STAP1: variants seen among roughly 807,000 people sequenced by gnomAD.
STAP1 encodes signal-transducing adaptor protein 1.
A neutral mutation model predicts 37.8 loss-of-function variants in STAP1; 30 were observed. The ratio of observed to expected loss-of-function variants is 0.79; its 90% CI spans 0.59 to 1.08. The LOEUF (loss-of-function observed/expected upper bound fraction) is 1.08, where lower values mean the gene tolerates loss of function less well. STAP1 is among the 50% of genes least tolerant of loss of function. STAP1 has a pLI of 0.00. For synonymous variants in STAP1, 130 were observed against 116.0 expected, an observed-to-expected ratio of 1.12 and a Z score of -0.78; for missense variants, 357 against 349.4, an observed-to-expected ratio of 1.02 and a Z score of -0.17.
chr4:67,561,582 C>T (rs906058657), intron 1 of STAP1, among the ~76,000 whole-genome samples: 6 of 151,988 alleles, frequency 3.9e-5, no homozygotes, highest in Non-Finnish European at 4.4e-5. Flanking sequence ...GGTCAAGAAC[C>T]CATGAAAAAC....
chr4:67,584,116 A>AAAG (rs1553901804), intron 6 of STAP1, among the ~76,000 whole-genome samples: 5 of 134,096 alleles, frequency 3.7e-5, no homozygotes, highest in South Asian at 2.3e-4. Flanking sequence ...AAAAAAAAAA[A>AAAG]GAACACAAGA....
At chr4:67,568,195 G>T (rs974703134) in intron 1 of STAP1, among the ~76,000 whole-genome samples, 1 of 152,074 alleles carries the variant, frequency 6.6e-6, no homozygotes, top group African/African-American at 2.4e-5. Flanking sequence ...CATTTTACTG[G>T]TTAAAAAACA....
chr4:67,570,820 C>G (rs1176729109), intron 1 of STAP1, among the ~76,000 whole-genome samples: 1 of 151,692 alleles, frequency 6.6e-6, no homozygotes, highest in Non-Finnish European at 1.5e-5. Context: ...GTCCCAGCTA[C>G]TTGGAGGGGA....
At position 67,606,412 on chromosome 4, in the gene STAP1, A is replaced by C; in HGVS notation, c.*55A>C. Reference sequence around the variant, plus strand: ...TTGGTAATTTATATTTTCAAAACGAAGTTCTTACTTTTAAAGAGAATTACC... The same window carrying C: ...TTGGTAATTTATATTTTCAAAACGACGTTCTTACTTTTAAAGAGAATTACC... On this transcript the variant is annotated 3_prime_UTR_variant, in exon 9 of 9. Coordinates refer to ENST00000265404, the MANE Select transcript of STAP1 (RefSeq NM_012108.4). The C allele has an allele frequency of 6.7e-7, 1 of 1,499,262 alleles. No homozygotes were observed. The highest frequency in any genetic ancestry group is 9.1e-7 in the Non-Finnish European group (1 of 1,100,368). The allele number at this position is 1,499,262 out of a possible 1,614,324, so 92.9% of individuals were successfully genotyped here. A position where few individuals can be genotyped will look rare whatever the true frequency, so the allele number is the denominator to read the frequency against.
At chr4:67,598,723 T>C (rs1728275844) in intron 8 of STAP1, among the ~76,000 whole-genome samples, 1 of 152,236 alleles carries the variant, frequency 6.6e-6, no homozygotes, top group South Asian at 2.1e-4. Flanking sequence ...TCCCATTCTG[T>C]GGGTTGTCTC....
At chr4:67,604,024 A>T (rs1577773767) in intron 8 of STAP1, among the ~76,000 whole-genome samples, 1 of 152,132 alleles carries the variant, frequency 6.6e-6, no homozygotes, top group South Asian at 2.1e-4. Flanking sequence ...TGGTGTTGAG[A>T]CTAGTCAGAG....
intron 8 of STAP1, among the ~76,000 whole-genome samples, chr4:67,600,196 G>T (rs183952888): frequency 1.1e-4 from 17 of 152,040 alleles, no homozygotes; most frequent in Non-Finnish European, 2.4e-4. Context: ...TTGGTCTCTT[G>T]AATTGCCATT....
At chr4:67,579,002 T>A (rs1006487892) in intron 4 of STAP1, among the ~76,000 whole-genome samples, 53 of 151,986 alleles carry the variant, frequency 3.5e-4, no homozygotes, top group Non-Finnish European at 4.4e-4. Flanking sequence ...CTAAGTTTTT[T>A]AAAAAATATT....
chr4:67,602,212 T>C (rs1168944613), intron 8 of STAP1, among the ~76,000 whole-genome samples: 1 of 152,032 alleles, frequency 6.6e-6, no homozygotes, highest in African/African-American at 2.4e-5. Context: ...TTCAATCTCT[T>C]TGTTAAATTA....
At chr4:67,593,778 T>G (rs1264486834) in intron 8 of STAP1, among the ~76,000 whole-genome samples, 1 of 152,226 alleles carries the variant, frequency 6.6e-6, no homozygotes, top group East Asian at 1.9e-4. Flanking sequence ...TGAAAACTGG[T>G]GATTAGCCAA....
intron 1 of STAP1, among the ~76,000 whole-genome samples, chr4:67,570,364 T>C (rs1296701992): frequency 3.3e-5 from 5 of 152,190 alleles, no homozygotes; most frequent in Non-Finnish European, 7.3e-5. Flanking sequence ...GCTACAACAT[T>C]ATTGACAGTT....
chr4:67,569,383 A>G (rs1578022648), intron 1 of STAP1, among the ~76,000 whole-genome samples: 1 of 152,266 alleles, frequency 6.6e-6, no homozygotes, highest in African/African-American at 2.4e-5. Context: ...GACTTTATGA[A>G]CACTGTACAC....
At chr4:67,575,606 C>T in intron 3 of STAP1, 108 bp downstream of exon 3, 1 of 808,232 alleles carries the variant, frequency 1.2e-6, no homozygotes. Context: ...AAGTCTTACA[C>T]TTTGTTAATA....
At chr4:67,599,653 T>A (rs79608476) in intron 8 of STAP1, among the ~76,000 whole-genome samples, 2 of 151,780 alleles carry the variant, frequency 1.3e-5, no homozygotes, top group South Asian at 4.1e-4. Flanking sequence ...TTTTTTTTTT[T>A]ATTTTTGAGA....
intron 1 of STAP1, among the ~76,000 whole-genome samples, chr4:67,569,397 G>A (rs1220382577): frequency 2.0e-5 from 3 of 152,046 alleles, no homozygotes; most frequent in Non-Finnish European, 2.9e-5. Flanking sequence ...TGTACACTCA[G>A]GCTACACTAA....
chr4:67,586,357 T>C (rs748627422), intron 6 of STAP1, among the ~76,000 whole-genome samples: 1 of 152,158 alleles, frequency 6.6e-6, no homozygotes, highest in Non-Finnish European at 1.5e-5. Context: ...CTCAGGAGGC[T>C]GAGGTAGGAG....
chr4:67,582,310 T>TG (rs974354742), intron 5 of STAP1, among the ~76,000 whole-genome samples: 1 of 133,028 alleles, frequency 7.5e-6, no homozygotes, highest in Non-Finnish European at 1.7e-5. Context: ...AGTTTTTTTT[T>TG]TGTTTTTTTT....
rs1446448629 is a variant in STAP1, at chr4:67,564,789, T to G, written c.120+5860T>G. ...TTAGCCAGGCATGGTGGCATGTGCCTGTAATCCCAGCTACTTGGGAGGCTG... is the reference window on the plus strand; with the variant it reads ...TTAGCCAGGCATGGTGGCATGTGCCGGTAATCCCAGCTACTTGGGAGGCTG... On this transcript the variant is annotated intron_variant, in intron 1 of 8. Coordinates refer to ENST00000265404, the MANE Select transcript of STAP1 (RefSeq NM_012108.4). Among the ~76,000 whole-genome samples the G allele has an allele frequency of 2.6e-5, 4 of 152,164 alleles. No homozygotes were observed. The East Asian group carries it at 7.7e-4, about 29-fold the overall frequency.
intron 2 of STAP1, 111 bp from the exon 3 acceptor site, chr4:67,575,274 A>C: frequency 1.6e-6 from 1 of 641,514 alleles, no homozygotes; most frequent in Non-Finnish European, 2.5e-6. Context: ...CCAGGATATC[A>C]TACAAAGTAC....
Sources: gnomAD v4.1 joint callset for allele counts (sites outside exome capture counted in the v4.1 genomes callset) on GRCh38, gnomAD v4.1.1 for gene constraint, MANE v1.5 for transcripts, NCBI Gene and HGNC (gene_info 2026-07-23, HGNC 2026-07-21) for gene names.